PPFIA1: variants seen among roughly 807,000 people sequenced by gnomAD.
PPFIA1 encodes the protein PPFI scaffold protein A1.
PPFIA1 carries 25 observed loss-of-function variants against 149.9 expected under a neutral mutation model. That is an observed-to-expected ratio of 0.17 (90% CI 0.12 to 0.23). The LOEUF is 0.23. PPFIA1 is among the 10% of genes least tolerant of loss of function. The pLI is 1.00. For synonymous variants in PPFIA1, 549 were observed against 552.8 expected (o/e 0.99, Z 0.10); for missense variants, 1,362 against 1,506.5 (o/e 0.90, Z 1.59).
chr11:70,355,395 G>A (rs972574450), intron 17 of PPFIA1, among the ~76,000 whole-genome samples: 1 of 152,176 alleles, frequency 6.6e-6, no homozygotes, highest in Admixed American at 6.5e-5. Flanking sequence ...TTTGGCACCT[G>A]ATGGCGCGGA....
chr11:70,343,402 T>C (rs958226380), intron 14 of PPFIA1, among the ~76,000 whole-genome samples: 8 of 152,206 alleles, frequency 5.3e-5, no homozygotes, highest in African/African-American at 1.9e-4. Flanking sequence ...TGTTTCTGAC[T>C]CTGCCATCTC....
chr11:70,348,819 C>T (rs1308903679), intron 16 of PPFIA1, among the ~76,000 whole-genome samples: 1 of 152,080 alleles, frequency 6.6e-6, no homozygotes, highest in East Asian at 1.9e-4. Flanking sequence ...TACAGTGAGC[C>T]ATGATTGCAT....
rs141632122 is a variant in PPFIA1 at position 70,336,417 on chromosome 11, G to A, written c.1428+723G>A. Among the ~76,000 whole-genome samples the A allele has an allele frequency of 2.8e-3, 417 of 150,952 alleles. 3 individuals carry two copies. The highest frequency in any genetic ancestry group is 9.6e-3 in the African/African-American group (394 of 40,914). ...CTTGAGAAGCTAAGGCATGAAAATC[G>A]CTTGAACCCAGGAGGTGGAGGTTGT... is the stretch of plus-strand genomic sequence containing the variant. On this transcript the variant is annotated intron_variant, in intron 11 of 27. Coordinates refer to ENST00000253925, the MANE Select transcript of PPFIA1 (RefSeq NM_003626.5).
chr11:70,279,369 A>G (rs576640087), intron 2 of PPFIA1: 9 of 189,684 alleles, frequency 4.7e-5, no homozygotes, highest in Middle Eastern at 1.9e-3. Flanking sequence ...AGATCTCACC[A>G]TCTACTCATT....
chr11:70,286,372 G>A (rs1034507699), intron 2 of PPFIA1, among the ~76,000 whole-genome samples: 4 of 152,016 alleles, frequency 2.6e-5, no homozygotes, highest in African/African-American at 7.2e-5. Context: ...CTCCCTCAGC[G>A]TCCCAAGTAG....
intron 2 of PPFIA1, among the ~76,000 whole-genome samples, chr11:70,287,933 G>A (rs1194585326): frequency 6.6e-6 from 1 of 151,792 alleles, no homozygotes; most frequent in Non-Finnish European, 1.5e-5. Context: ...TAATGATGTT[G>A]GCCCTAACAA....
chr11:70,353,511 C>G (rs2056188285), intron 16 of PPFIA1, among the ~76,000 whole-genome samples: 1 of 152,192 alleles, frequency 6.6e-6, no homozygotes, highest in Non-Finnish European at 1.5e-5. Context: ...CAGGATCTGC[C>G]TAGACCCTGC....
intron 2 of PPFIA1, 54 bp from the exon 3 acceptor site, chr11:70,324,348 G>A (rs547343308): frequency 7.3e-7 from 1 of 1,371,174 alleles, no homozygotes; most frequent in Admixed American, 1.9e-5. Context: ...TTGATGAAAG[G>A]CTTTCTTTAG....
chr11:70,308,644 C>A (rs574368919), intron 2 of PPFIA1, among the ~76,000 whole-genome samples: 1 of 151,928 alleles, frequency 6.6e-6, no homozygotes, highest in East Asian at 1.9e-4. Context: ...AAAAATTGAT[C>A]GCAGAGGCTG....
chr11:70,305,974 G>A (rs1055925033), intron 2 of PPFIA1, among the ~76,000 whole-genome samples: 2 of 152,124 alleles, frequency 1.3e-5, no homozygotes, highest in Non-Finnish European at 2.9e-5. Context: ...AATTCAAAAC[G>A]GAGAAATTGT....
At chr11:70,356,556 T>G (rs2056372792) in intron 19 of PPFIA1, among the ~76,000 whole-genome samples, 1 of 152,230 alleles carries the variant, frequency 6.6e-6, no homozygotes, top group South Asian at 2.1e-4. Flanking sequence ...AGGTTCACTT[T>G]GTGACGTTGA....
chr11:70,328,595 C>T (rs1052571005), intron 7 of PPFIA1, among the ~76,000 whole-genome samples: 8 of 151,986 alleles, frequency 5.3e-5, no homozygotes, highest in Non-Finnish European at 7.4e-5. Flanking sequence ...GTATATACCC[C>T]GTAATGGGAT....
At chr11:70,279,408 G>A (rs955328741) in intron 2 of PPFIA1, 3 of 172,732 alleles carry the variant, frequency 1.7e-5, no homozygotes, top group Non-Finnish European at 1.2e-5. Context: ...AGCTGCCTCT[G>A]GTGGCTTGTA....
rs922844382 is a variant in PPFIA1, at chr11:70,297,318, C to T, written c.264+24882C>T. ...CAGCTACTCAGGAGGCTGAGGCGAG[C>T]GGATCGCCTGAACCTAGCAGGTTAA... is the stretch of plus-strand genomic sequence containing the variant. On this transcript the variant is annotated intron_variant, in intron 2 of 27. Transcript: ENST00000253925. 6.6e-5 allele frequency among the ~76,000 whole-genome samples: 10 copies of T among 151,930 alleles called. No individual in the cohort carries two copies. In the Middle Eastern group the frequency reaches 0.014, roughly 207 times the overall value.
chr11:70,313,472 G>C (rs1171248408), intron 2 of PPFIA1, among the ~76,000 whole-genome samples: 1 of 152,206 alleles, frequency 6.6e-6, no homozygotes, highest in South Asian at 2.1e-4. Context: ...GCAGGGATGA[G>C]TTAGGCAGCT....
intron 2 of PPFIA1, among the ~76,000 whole-genome samples, chr11:70,303,183 C>A (rs977625382): frequency 5.3e-5 from 8 of 152,144 alleles, no homozygotes; most frequent in Non-Finnish European, 1.0e-4. Context: ...CACTGTGGTT[C>A]TAGACCCCGG....
At chr11:70,324,723 T>C in intron 3 of PPFIA1, 124 bp from the exon 4 acceptor site, 1 of 1,039,684 alleles carries the variant, frequency 9.6e-7, no homozygotes, top group South Asian at 1.6e-5. Context: ...GAGGAATTTG[T>C]TTTTCTGCGG....
Position 70,326,638 on chromosome 11 carries a change from T to G in PPFIA1, c.750T>G (p.Ala250=). The change falls in exon 7 of 28, where the codon GCT becomes GCG. Residue 250 remains alanine (A), a synonymous_variant. Coordinates refer to ENST00000253925, the MANE Select transcript of PPFIA1 (RefSeq NM_003626.5). ...DGSLSHEEDL[A]KVIELQEIIS... is the part of the protein sequence containing the mutation. ...CTTTAAGCCACGAGGAAGACCTTGC[T>G]AAAGTAATTGAGCTCCAAGAAATCA... 6.2e-7 allele frequency: 1 copy of G among 1,614,190 alleles called. No homozygotes were observed. Among genetic ancestry groups the G allele is most frequent in the Non-Finnish European group, 8.5e-7 (1 of 1,180,030 alleles).
intron 17 of PPFIA1, among the ~76,000 whole-genome samples, chr11:70,355,345 T>C (rs2056302425): frequency 6.6e-6 from 1 of 152,098 alleles, no homozygotes; most frequent in South Asian, 2.1e-4. Context: ...TCAGGGCGGT[T>C]GTGGGAGCTG....
Sources: gnomAD v4.1 joint callset for allele counts (sites outside exome capture counted in the v4.1 genomes callset) on GRCh38, gnomAD v4.1.1 for gene constraint, MANE v1.5 for transcripts, NCBI Gene and HGNC (gene_info 2026-07-23, HGNC 2026-07-21) for gene names.